RAD51D: variants seen among roughly 807,000 people sequenced by gnomAD.
RAD51D encodes RAD51 paralog D.
RAD51D carries 38 observed loss-of-function variants against 44.1 expected under a neutral mutation model. The observed-to-expected ratio is 0.86, with a 90% confidence interval of 0.67 to 1.13. The LOEUF (loss-of-function observed/expected upper bound fraction) is 1.13, where lower values mean the gene tolerates loss of function less well. Ranked by LOEUF, RAD51D falls within the 50% of genes most tolerant of loss-of-function variation. The probability of loss-of-function intolerance (pLI) is 0.00; values close to 1 mark genes in which losing one functional copy is unlikely to be tolerated. For missense variants in RAD51D, 390 were observed against 414.0 expected, an observed-to-expected ratio of 0.94 and a Z score of 0.50; for synonymous variants, 141 against 166.6, an observed-to-expected ratio of 0.85 and a Z score of 1.18.
chr17:35,099,917 GCA>G lies in RAD51D; in HGVS notation c.*1034_*1035del. 1.9e-6 allele frequency: 1 copy of G among 522,070 alleles called. No individual in the cohort carries two copies. 32.3% of individuals were successfully genotyped at this position (522,070 alleles called of 1,614,324 possible). On this transcript the variant is annotated 3_prime_UTR_variant, in exon 10 of 10. Transcript: ENST00000345365. ...CAGAGGGATTATTTCATACACTAGG[GCA>G]CTAGCTGTGGTACAGCTGGCAGGAA...
In RAD51D at chr17:35,094,879, C is replaced by T. The variant is rs557262091; in HGVS notation, c.*6074G>A. 2.7e-5 allele frequency: 4 copies of T among 147,850 alleles called. No individual in the cohort carries two copies. The highest frequency in any genetic ancestry group is 2.1e-4 in the South Asian group (1 of 4,800). The allele number at this position is 147,850 out of a possible 1,614,324, so 9.2% of individuals were successfully genotyped here. Reference sequence around the variant, plus strand: ...ATACATAATAGAGCCTTGATTAACTCGTCTTTGGTACTACCGTAAGTACTA... The same window carrying T: ...ATACATAATAGAGCCTTGATTAACTTGTCTTTGGTACTACCGTAAGTACTA... On this transcript the variant is annotated 3_prime_UTR_variant, in exon 10 of 10. Transcript: ENST00000345365.
chr17:35,113,518 CT>C, intron 3 of RAD51D: 1 of 412,428 alleles, frequency 2.4e-6, no homozygotes, highest in Non-Finnish European at 4.9e-6. Flanking sequence ...ACCCACTCGC[CT>C]TGGCCTCCCA....
chr17:35,093,716 T>G lies in RAD51D; in HGVS notation c.*7237A>C, dbSNP rs892983618. ...GGAACAAGACAAGGATGATTGTTAT[T>G]GTTGCTTCTATTCTGTGTAGTACTA... is the stretch of plus-strand genomic sequence containing the variant. On this transcript the variant is annotated 3_prime_UTR_variant, in exon 10 of 10. Coordinates refer to ENST00000345365, the MANE Select transcript of RAD51D (RefSeq NM_002878.4). 2 of 152,250 alleles carry G rather than the reference T, an allele frequency of 1.3e-5. No individual in the cohort carries two copies. Among genetic ancestry groups the G allele is most frequent in the South Asian group, 4.1e-4 (2 of 4,834 alleles). The allele number at this position is 152,250 out of a possible 1,614,324, so 9.4% of individuals were successfully genotyped here. A position where few individuals can be genotyped will look rare whatever the true frequency, so the allele number is the denominator to read the frequency against.
At chr17:35,116,606 T>C (rs777379493) in intron 3 of RAD51D, among the ~76,000 whole-genome samples, 3 of 152,206 alleles carry the variant, frequency 2.0e-5, no homozygotes, top group African/African-American at 4.8e-5. Context: ...GCTATTCTCC[T>C]GCCTCAGCCT....
chr17:35,110,349 T>C (rs2091660344), intron 3 of RAD51D, among the ~76,000 whole-genome samples: 1 of 152,218 alleles, frequency 6.6e-6, no homozygotes, highest in Admixed American at 6.5e-5. Flanking sequence ...AAGTCCTTTG[T>C]TGAATACATG....
At chr17:35,112,566 C>A (rs1358913640) in intron 3 of RAD51D, among the ~76,000 whole-genome samples, 1 of 151,978 alleles carries the variant, frequency 6.6e-6, no homozygotes, top group Non-Finnish European at 1.5e-5. Flanking sequence ...CTAGTAAAGA[C>A]CAGGTTTCAT....
chr17:35,107,215 A>G (rs2091617554), intron 4 of RAD51D, 93 bp from the exon 5 acceptor site: 2 of 1,519,704 alleles, frequency 1.3e-6, no homozygotes, highest in Non-Finnish European at 9.1e-7. Context: ...AGCAACACAA[A>G]TGGGCTGAGT....
chr17:35,095,605 A>G lies in RAD51D; in HGVS notation c.*5348T>C, dbSNP rs755077481. ...AGGAGTTCGAGACCAGCCATGGCCAACATGATGAAACCCCATCTCTACTAA... is the reference window on the plus strand; with the variant it reads ...AGGAGTTCGAGACCAGCCATGGCCAGCATGATGAAACCCCATCTCTACTAA... On this transcript the variant is annotated 3_prime_UTR_variant, in exon 10 of 10. Transcript: ENST00000345365. The G allele has an allele frequency of 6.6e-6, 1 of 152,208 alleles. No homozygotes were observed. Among genetic ancestry groups the G allele is most frequent in the Non-Finnish European group, 1.5e-5 (1 of 68,098 alleles). The allele number at this position is 152,208 out of a possible 1,614,324, so 9.4% of individuals were successfully genotyped here. A position where few individuals can be genotyped will look rare whatever the true frequency, so the allele number is the denominator to read the frequency against.
intron 3 of RAD51D, among the ~76,000 whole-genome samples, chr17:35,115,934 AGG>A (rs57564078): frequency 6.8e-6 from 1 of 146,918 alleles, no homozygotes; most frequent in South Asian, 2.2e-4. Context: ...GAAGGAAGGA[AGG>A]AAGAAAGAAA....
intron 3 of RAD51D, among the ~76,000 whole-genome samples, chr17:35,115,956 G>GGAAAGAAAGGAAAGAAA (rs1555569881): frequency 4.6e-5 from 3 of 65,274 alleles, no homozygotes; most frequent in East Asian, 4.4e-4. Flanking sequence ...AAGGAAGAAA[G>GGAAAGAAAGGAAAGAAA]GAAAGAAAGA....
intron 3 of RAD51D, among the ~76,000 whole-genome samples, chr17:35,115,502 C>G (rs563447543): frequency 5.4e-4 from 82 of 152,264 alleles, no homozygotes; most frequent in African/African-American, 1.9e-3. Flanking sequence ...AGGCATTTCT[C>G]AAACTTCTGA....
At chr17:35,110,826 G>T (rs193037547) in intron 3 of RAD51D, among the ~76,000 whole-genome samples, 3 of 152,274 alleles carry the variant, frequency 2.0e-5, no homozygotes, top group South Asian at 2.1e-4. Context: ...ATACAAACAG[G>T]CTGGGCGCGG....
rs754667173 is a variant in RAD51D, at chr17:35,095,690, C to T, written c.*5263G>A. On this transcript the variant is annotated 3_prime_UTR_variant, in exon 10 of 10. Coordinates refer to ENST00000345365, the MANE Select transcript of RAD51D (RefSeq NM_002878.4). Reference sequence around the variant, plus strand: ...GCCTGTAGTCGTAGTCCCAGCTACTCAGGAGGCTGAGGCAGGAGAATCACT... The same window carrying T: ...GCCTGTAGTCGTAGTCCCAGCTACTTAGGAGGCTGAGGCAGGAGAATCACT... 5 of 152,072 alleles carry T rather than the reference C, an allele frequency of 3.3e-5. No individual in the cohort carries two copies. The highest frequency in any genetic ancestry group is 5.9e-5 in the Non-Finnish European group (4 of 68,088). The allele number at this position is 152,072 out of a possible 1,614,324, so 9.4% of individuals were successfully genotyped here. A position where few individuals can be genotyped will look rare whatever the true frequency, so the allele number is the denominator to read the frequency against.
Position 35,119,428 on chromosome 17 carries a change from G to A in RAD51D, c.82+104C>T, listed in dbSNP as rs575055012. ...AGAAGCGCGGCCCTCTAGGAATGGAGGGGAAGCGCCCTGCAGGTATGCCAG... is the reference window on the plus strand; with the variant it reads ...AGAAGCGCGGCCCTCTAGGAATGGAAGGGAAGCGCCCTGCAGGTATGCCAG... On this transcript the variant is annotated intron_variant, in intron 1 of 9. Transcript: ENST00000345365. The A allele has an allele frequency of 2.2e-4, 300 of 1,350,434 alleles. No individual in the cohort carries two copies. The African/African-American group carries it at 3.9e-3, about 17-fold the overall frequency. The allele number at this position is 1,350,434 out of a possible 1,614,324, so 83.7% of individuals were successfully genotyped here. A position where few individuals can be genotyped will look rare whatever the true frequency, so the allele number is the denominator to read the frequency against.
rs2142436265 is a variant in RAD51D, at chr17:35,107,355, C to T, written c.345+11G>A. ...CCCCTAAATCCTCCTGACTGCTGGC[C>T]TCACATGTACCTGAGTTTTGCCGCT... On this transcript the variant is annotated intron_variant, in intron 4 of 9. Transcript: ENST00000345365. The T allele has an allele frequency of 6.5e-7, 1 of 1,538,830 alleles. No individual in the cohort carries two copies. Among genetic ancestry groups the T allele is most frequent in the Non-Finnish European group, 9.0e-7 (1 of 1,111,640 alleles).
intron 5 of RAD51D, 75 bp downstream of exon 5, chr17:35,106,913 A>G: frequency 1.2e-6 from 2 of 1,610,088 alleles, no homozygotes; most frequent in Non-Finnish European, 1.7e-6. Flanking sequence ...ATTCAACCCA[A>G]ATTCTTACAA....
chr17:35,117,026 C>A, intron 3 of RAD51D: 1 of 1,612,768 alleles, frequency 6.2e-7, no homozygotes, highest in Non-Finnish European at 8.5e-7. Context: ...CACTTGAGTG[C>A]GCCCTCCATG....
intron 3 of RAD51D, among the ~76,000 whole-genome samples, chr17:35,110,555 G>A (rs1299314046): frequency 2.0e-5 from 3 of 152,150 alleles, no homozygotes; most frequent in East Asian, 3.8e-4. Context: ...TTACATTTAA[G>A]TCTATGATCC....
chr17:35,118,672 TC>T, intron 2 of RAD51D, 53 bp from the exon 3 acceptor site: 1 of 1,350,828 alleles, frequency 7.4e-7, no homozygotes, highest in Non-Finnish European at 1.1e-6. Context: ...GAAGCTGGCA[TC>T]CCAGGGTGTC....
Sources: allele counts gnomAD v4.1 joint callset (sites outside exome capture counted in the v4.1 genomes callset), GRCh38; gene constraint gnomAD v4.1.1; transcripts MANE v1.5; gene names NCBI Gene and HGNC (gene_info 2026-07-23, HGNC 2026-07-21).